The following SBK1 variants were observed in gnomAD, a reference collection of about 807,000 sequenced individuals.
SBK1 encodes the protein SH3 domain binding kinase 1, also known as serine/threonine-protein kinase SBK1.
Under a neutral mutation model 24.4 loss-of-function variants are expected in SBK1, and 11 were observed. The observed-to-expected ratio is 0.45, with a 90% confidence interval of 0.28 to 0.75. The LOEUF (loss-of-function observed/expected upper bound fraction) is 0.75, where lower values mean the gene tolerates loss of function less well. Among genes scored for constraint, SBK1 ranks in the 30% least tolerant of loss-of-function variants. The pLI, the probability that SBK1 is intolerant of heterozygous loss-of-function variation, is 0.12. For synonymous variants in SBK1, 308 were observed against 284.4 expected, an observed-to-expected ratio of 1.08 and a Z score of -0.83; for missense variants, 467 against 620.5, an observed-to-expected ratio of 0.75 and a Z score of 2.63.
rs1315027251 is a variant in SBK1, at chr16:28,320,810, T to TGTGCCC, written c.1166_1171dup (p.Val389_Pro390dup). 5 of 1,442,514 alleles carry TGTGCCC rather than the reference T, an allele frequency of 3.5e-6. No individual in the cohort carries two copies. The highest frequency in any genetic ancestry group is 2.3e-5 in the Admixed American group (1 of 43,782). The allele number at this position is 1,442,514 out of a possible 1,614,324, so 89.4% of individuals were successfully genotyped here. A position where few individuals can be genotyped will look rare whatever the true frequency, so the allele number is the denominator to read the frequency against. ...CGGTGCCAGTGCCCGTGCCGGTGCC[T>TGTGCCC]GTGCCCGAGCCCGGCCTAGCTCCCC... On this transcript the variant is annotated inframe_insertion, in exon 4 of 4. Transcript: ENST00000341901. The surrounding 1 kb of genome is among the most constrained non-coding windows in gnomAD (Gnocchi z 8.5).
chr16:28,303,338 T>G (rs1344636727), intron 1 of SBK1, among the ~76,000 whole-genome samples: 1 of 152,008 alleles, frequency 6.6e-6, no homozygotes, highest in Non-Finnish European at 1.5e-5. Context: ...TGACTGATGA[T>G]GGCTCAGAGA....
intron 1 of SBK1, among the ~76,000 whole-genome samples, chr16:28,302,297 C>T (rs1333121621): frequency 2.0e-5 from 3 of 152,228 alleles, no homozygotes; most frequent in Non-Finnish European, 2.9e-5. Flanking sequence ...TTGGTGGCCC[C>T]CACCCTCTGG....
At chr16:28,307,993 A>G (rs1286806117) in intron 1 of SBK1, among the ~76,000 whole-genome samples, 2 of 152,178 alleles carry the variant, frequency 1.3e-5, no homozygotes, top group African/African-American at 4.8e-5. Context: ...CCCACAGAGC[A>G]GGATAGGAAC....
intron 1 of SBK1, among the ~76,000 whole-genome samples, chr16:28,266,009 A>G (rs1261322109): frequency 6.6e-6 from 1 of 151,900 alleles, no homozygotes; most frequent in Non-Finnish European, 1.5e-5. Context: ...AAACAAAACC[A>G]GGTTTGATGT....
intron 1 of SBK1, among the ~76,000 whole-genome samples, chr16:28,284,551 G>A (rs944446597): frequency 6.6e-6 from 1 of 152,250 alleles, no homozygotes; most frequent in Admixed American, 6.5e-5. Context: ...GGGTGGCGGG[G>A]CCCAGGGAGC....
In SBK1 at chr16:28,264,333, G is replaced by T. The variant is rs181381518; in HGVS notation, c.257+4831G>T. Among the ~76,000 whole-genome samples, 10 of 152,214 alleles carry T rather than the reference G, an allele frequency of 6.6e-5. No homozygotes were observed. The East Asian group carries it at 1.7e-3, about 27-fold the overall frequency. On this transcript the variant is annotated intron_variant, in intron 1 of 3. Coordinates refer to the SBK1 transcript ENST00000671413. Reference sequence around the variant, plus strand: ...TCACGCCTGTAATCCCAGCACTTTGGGAGGCAGAGGCGGGCGGATCACTTG... The same window carrying T: ...TCACGCCTGTAATCCCAGCACTTTGTGAGGCAGAGGCGGGCGGATCACTTG...
At position 28,292,829 on chromosome 16, in the gene SBK1, CCTGCGGGG is replaced by C; in HGVS notation, c.-478_-471del. On this transcript the variant is annotated 5_prime_UTR_variant, in exon 1 of 4. Transcript: ENST00000341901. ...CCCGGATCCGACACCGAGCGACTCC[CCTGCGGGG>C]AAAGCGGAGACTTCCTCGGTATTTA... is the stretch of plus-strand genomic sequence containing the variant. 1 of 985,364 alleles carries C rather than the reference CCTGCGGGG, an allele frequency of 1.0e-6. No individual in the cohort carries two copies. Among genetic ancestry groups the C allele is most frequent in the Non-Finnish European group, 1.2e-6 (1 of 829,810 alleles). 61.0% of individuals were successfully genotyped at this position (985,364 alleles called of 1,614,324 possible). A position where few individuals can be genotyped will look rare whatever the true frequency, so the allele number is the denominator to read the frequency against.
intron 1 of SBK1, among the ~76,000 whole-genome samples, chr16:28,270,888 G>C (rs1458292135): frequency 6.6e-6 from 1 of 151,344 alleles, no homozygotes; most frequent in Non-Finnish European, 1.5e-5. Flanking sequence ...TTTTGAGACG[G>C]AGTCTTGCTC....
upstream of SBK1, chr16:28,290,597 T>A (rs2044592170): frequency 2.0e-5 from 3 of 151,648 alleles, no homozygotes; most frequent in South Asian, 6.2e-4. Context: ...ATCGTGCCAT[T>A]GCACTCCAGG....
upstream of SBK1, among the ~76,000 whole-genome samples, chr16:28,288,440 CTCTT>C (rs981123227): frequency 6.6e-6 from 1 of 152,218 alleles, no homozygotes; most frequent in African/African-American, 2.4e-5. Context: ...CTGTGAGCCT[CTCTT>C]TCTATGGGAA....
intron 1 of SBK1, among the ~76,000 whole-genome samples, chr16:28,274,560 G>A (rs1292630762): frequency 6.6e-6 from 1 of 152,154 alleles, no homozygotes; most frequent in Admixed American, 6.6e-5. Flanking sequence ...GCTGAGGCAG[G>A]AGAATCGCTT....
At chr16:28,272,619 CTTTT>C (rs71140961) in intron 1 of SBK1, among the ~76,000 whole-genome samples, 44 of 105,964 alleles carry the variant, frequency 4.2e-4, no homozygotes, top group Non-Finnish European at 7.3e-4. Context: ...TTCTTTCTTT[CTTTT>C]TTTTTTTTTT....
intron 1 of SBK1, among the ~76,000 whole-genome samples, chr16:28,265,951 T>C (rs2044425444): frequency 6.9e-6 from 1 of 144,276 alleles, no homozygotes; most frequent in Non-Finnish European, 1.5e-5. Context: ...AGAGTGAGAC[T>C]CTGTCTCAAT....
rs1421456123 is a variant in SBK1, at chr16:28,320,735, C to T, written c.1089C>T (p.Ser363=). The change falls in exon 4 of 4, where the codon TCC becomes TCT. Residue 363 remains serine (S), a synonymous_variant. Transcript: ENST00000341901. This position sits in a 1 kb window ranked among gnomAD's most constrained non-coding sequence, Gnocchi z 8.5. ...TGCTGACCGAGAGCGGCAGCGGCTC[C>T]CGGCCCGCGCCCCCCGCCGTCGGGT... ...RTVLTESGSG[S]RPAPPAVGSV... The T allele has an allele frequency of 8.5e-7, 1 of 1,181,942 alleles. No individual in the cohort carries two copies. The highest frequency in any genetic ancestry group is 2.4e-5 in the South Asian group (1 of 42,418). The allele number at this position is 1,181,942 out of a possible 1,614,324, so 73.2% of individuals were successfully genotyped here. A position where few individuals can be genotyped will look rare whatever the true frequency, so the allele number is the denominator to read the frequency against.
upstream of SBK1, chr16:28,292,390 C>T: frequency 3.5e-6 from 1 of 289,130 alleles, no homozygotes; most frequent in Non-Finnish European, 5.0e-6. Flanking sequence ...AGGGCGGGCG[C>T]GCGGCGGGTG....
chr16:28,314,933 C>G (rs549125675), intron 1 of SBK1, among the ~76,000 whole-genome samples: 2 of 152,194 alleles, frequency 1.3e-5, no homozygotes, highest in Admixed American at 6.5e-5. Flanking sequence ...AAGCCAAGAT[C>G]ACACCACTGC....
rs35448675 is a variant in SBK1, at chr16:28,317,426, G to T, written c.35G>T (p.Arg12Leu). Reference protein sequence around the residue: ...SVGCPEPEPPRSLTCCGPGTA... With the variant: ...SVGCPEPEPPLSLTCCGPGTA... Reference sequence around the variant, plus strand: ...GGCTGCCCAGAGCCTGAGCCGCCCCGCTCCCTGACCTGCTGTGGGCCGGGG... The same window carrying T: ...GGCTGCCCAGAGCCTGAGCCGCCCCTCTCCCTGACCTGCTGTGGGCCGGGG... Residue 12 changes from arginine to leucine, a missense_variant, in exon 2 of 4, where the codon CGC (arginine) becomes CTC (leucine). Physicochemically the swap from Arg to Leu is moderately radical, Grantham distance 102. This residue lies in a region of SBK1 where 123 missense variants were observed against 158.2 expected (regional missense o/e 0.78). Coordinates refer to ENST00000341901, the MANE Select transcript of SBK1 (RefSeq NM_001024401.3). This position sits in a 1 kb window ranked among gnomAD's most constrained non-coding sequence, Gnocchi z 4.2. 1.2e-6 allele frequency: 2 copies of T among 1,614,070 alleles called. No homozygotes were observed. Among genetic ancestry groups the T allele is most frequent in the South Asian group, 1.1e-5 (1 of 91,072 alleles).
chr16:28,315,225 C>T (rs1401771486), intron 1 of SBK1, among the ~76,000 whole-genome samples: 4 of 108,456 alleles, frequency 3.7e-5, no homozygotes, highest in Non-Finnish European at 5.3e-5. Flanking sequence ...CCTGGAAGAC[C>T]GGGGTTGGGG....
At chr16:28,279,516 C>T (rs1001442623) in intron 1 of SBK1, among the ~76,000 whole-genome samples, 4 of 151,818 alleles carry the variant, frequency 2.6e-5, no homozygotes, top group African/African-American at 9.7e-5. Flanking sequence ...AGAGGCCCCA[C>T]GTTTAAATTT....
Sources: gnomAD v4.1 joint callset for allele counts (sites outside exome capture counted in the v4.1 genomes callset) on GRCh38, gnomAD v4.1.1 for gene constraint, gnomAD v4.1.1 regional missense constraint, Gnocchi (gnomAD v3.1) non-coding constraint, MANE v1.5 for transcripts, NCBI Gene and HGNC (gene_info 2026-07-23, HGNC 2026-07-21) for gene names.